ARMC10: variants seen among roughly 807,000 people sequenced by gnomAD.
The protein encoded by ARMC10 is armadillo repeat containing 10.
Under a neutral mutation model 30.2 loss-of-function variants are expected in ARMC10, and 23 were observed. The observed-to-expected ratio is 0.76, with a 90% CI of 0.55 to 1.08. ARMC10 has a LOEUF of 1.08. Ranked by LOEUF, ARMC10 falls within the 50% of genes least tolerant of loss-of-function variation. The probability of loss-of-function intolerance (pLI) is 0.00; values close to 1 mark genes in which losing one functional copy is unlikely to be tolerated. For missense variants in ARMC10, 303 were observed against 413.7 expected (o/e 0.73, Z 2.32); for synonymous variants, 111 against 164.4 (o/e 0.68, Z 2.48).
rs1348524023 is a variant in ARMC10, at chr7:103,098,704, T to C, written c.*151T>C. The C allele has an allele frequency of 7.2e-6, 9 of 1,257,412 alleles. No individual in the cohort carries two copies. Among genetic ancestry groups the C allele is most frequent in the Middle Eastern group, 2.8e-4 (1 of 3,524 alleles). 77.9% of individuals were successfully genotyped at this position (1,257,412 alleles called of 1,614,324 possible). On this transcript the variant is annotated 3_prime_UTR_variant, in exon 7 of 7. Transcript: ENST00000323716. ...TATAACTTGCCGTGGTTCTCAGATT[T>C]ATTTTGGACTATTTTGATGCCAAGT... is the stretch of plus-strand genomic sequence containing the variant.
At chr7:103,097,430 A>C (rs1267366047) in intron 6 of ARMC10, 82 bp downstream of exon 6, 1 of 1,063,350 alleles carries the variant, frequency 9.4e-7, no homozygotes, top group Non-Finnish European at 1.4e-6. Context: ...GATTAAGCCT[A>C]AAATGTTAAC....
chr7:103,097,742 A>C (rs1801871869), intron 6 of ARMC10, among the ~76,000 whole-genome samples: 2 of 152,192 alleles, frequency 1.3e-5, no homozygotes, highest in Non-Finnish European at 2.9e-5. Context: ...GTGACATGGT[A>C]CATGTCCTCA....
At chr7:103,086,919 C>G in intron 4 of ARMC10, 155 bp downstream of exon 4, 2 of 1,507,226 alleles carry the variant, frequency 1.3e-6, no homozygotes, top group Non-Finnish European at 1.8e-6. Flanking sequence ...AGGGAGGGAC[C>G]TGAACTAGCC....
Sources: allele counts gnomAD v4.1 joint callset (sites outside exome capture counted in the v4.1 genomes callset), GRCh38; gene constraint gnomAD v4.1.1; transcripts MANE v1.5; gene names NCBI Gene and HGNC (gene_info 2026-07-23, HGNC 2026-07-21).